Variants in CARS1 observed in about 807,000 individuals in gnomAD.
CARS1 encodes cysteinyl-tRNA synthetase 1.
A neutral mutation model predicts 106.2 loss-of-function variants in CARS1; 48 were observed. The ratio of observed to expected loss-of-function variants is 0.45; its 90% CI spans 0.36 to 0.57. CARS1 has a LOEUF of 0.57. Among genes scored for constraint, CARS1 ranks in the 20% least tolerant of loss-of-function variants. The pLI, the probability that CARS1 is intolerant of heterozygous loss-of-function variation, is 0.00. For synonymous variants in CARS1, 409 were observed against 403.4 expected, an observed-to-expected ratio of 1.01 and a Z score of -0.17; for missense variants, 968 against 1,057.2, an observed-to-expected ratio of 0.92 and a Z score of 1.17.
At position 3,040,946 on chromosome 11, in the gene CARS1, C is replaced by A. The variant is rs764655547; in HGVS notation, c.405G>T (p.Trp135Cys). The A allele has an allele frequency of 2.0e-5, 32 of 1,614,076 alleles. No homozygotes were observed. In the Admixed American group the frequency reaches 4.8e-4, roughly 24 times the overall value. ...CATAGACGGTTGGCCCACAGCAATA[C>A]CACGTCACCTTTTTCCCATCTTGAG... ...FIPQDGKKVT[W>C]YCCGPTVYDA... Residue 135 changes from tryptophan (W) to cysteine (C), a missense_variant, in exon 4 of 23, where the codon TGG becomes TGT. Physicochemically the swap from Trp to Cys is radical, Grantham distance 215. Coordinates refer to ENST00000380525, the MANE Select transcript of CARS1 (RefSeq NM_001014437.3). This position sits in a 1 kb window ranked among gnomAD's most constrained non-coding sequence, Gnocchi z 5.8.
chr11:3,053,217 A>T lies in CARS1; in HGVS notation c.25+4126T>A, dbSNP rs565735156. ...TCCTATCAGCATTTATTTTTTATTT[A>T]TTTTTATTTTATTTTATTTTATTTT... On this transcript the variant is annotated intron_variant, in intron 1 of 22. Coordinates refer to ENST00000380525, the MANE Select transcript of CARS1 (RefSeq NM_001014437.3). The surrounding 1 kb of genome is among the most constrained non-coding windows in gnomAD (Gnocchi z 6.6). 2.7e-3 allele frequency among the ~76,000 whole-genome samples: 415 copies of T among 152,028 alleles called. 5 individuals are homozygous for T. In the East Asian group the frequency reaches 0.036, roughly 13 times the overall value.
rs138105996 is a variant in CARS1 at position 3,024,435 on chromosome 11, AT to A, written c.1153+2240del. Among the ~76,000 whole-genome samples, 542 of 145,790 alleles carry A rather than the reference AT, an allele frequency of 3.7e-3. 1 individual carries two copies. The highest frequency in any genetic ancestry group is 5.7e-3 in the Non-Finnish European group (369 of 64,858). On this transcript the variant is annotated intron_variant, in intron 10 of 22. Transcript: ENST00000380525. ...TCCTGTCAGTGTTGGTATCTTTTTT[AT>A]TTTAAAAAAAAAATTTTTTTAATGT...
chr11:3,049,883 G>A (rs538262755), intron 1 of CARS1, among the ~76,000 whole-genome samples: 2 of 152,264 alleles, frequency 1.3e-5, no homozygotes, highest in African/African-American at 4.8e-5. Flanking sequence ...GTGTTGCGGG[G>A]GTAACTGCAC....
At chr11:3,049,956 G>A (rs999630490) in intron 1 of CARS1, among the ~76,000 whole-genome samples, 1 of 152,182 alleles carries the variant, frequency 6.6e-6, no homozygotes, top group Non-Finnish European at 1.5e-5. Flanking sequence ...CCAATAACTG[G>A]CACTTCCCGG....
chr11:3,007,633 T>G (rs1405110020), intron 18 of CARS1: 2 of 152,256 alleles, frequency 1.3e-5, no homozygotes, highest in Non-Finnish European at 2.9e-5. Context: ...TGCCTCTGAC[T>G]GGGGACCTGA....
In CARS1 at chr11:3,008,487, C is replaced by T. The variant is rs2003438; in HGVS notation, c.2069-1528G>A. Reference sequence around the variant, plus strand: ...TACAAAAACTATCTGGGTGTGGTGGCATGTGCCTGTAATCCCAGCTACTTG... The same window carrying T: ...TACAAAAACTATCTGGGTGTGGTGGTATGTGCCTGTAATCCCAGCTACTTG... On this transcript the variant is annotated intron_variant, in intron 18 of 22. Transcript: ENST00000380525. This position sits in a 1 kb window ranked among gnomAD's most constrained non-coding sequence, Gnocchi z 5.1. 64,389 of 151,320 alleles carry T rather than the reference C, an allele frequency of 0.43. 14,158 individuals are homozygous for T. The highest frequency in any genetic ancestry group is 0.52 in the African/African-American group (21,574 of 41,138). The allele number at this position is 151,320 out of a possible 1,614,324, so 9.4% of individuals were successfully genotyped here.
Position 3,026,850 on chromosome 11 carries a change from G to A in CARS1, c.1032-53C>T, listed in dbSNP as rs1388661020. 2.5e-6 allele frequency: 4 copies of A among 1,575,468 alleles called. No homozygotes were observed. The African/African-American group carries it at 5.4e-5, about 21-fold the overall frequency. On this transcript the variant is annotated intron_variant, in intron 9 of 22. Coordinates refer to ENST00000380525, the MANE Select transcript of CARS1 (RefSeq NM_001014437.3). ...GTGCATCTAACAGACCCGAAAGTGT[G>A]TCAGCAGGATGACAGTAACAAAATA... is the stretch of plus-strand genomic sequence containing the variant.
In CARS1 at chr11:3,030,197, G is replaced by A. The variant is rs1164126806; in HGVS notation, c.802-754C>T. The A allele has an allele frequency of 6.6e-6, 1 of 152,386 alleles. No individual in the cohort carries two copies. Among genetic ancestry groups the A allele is most frequent in the Non-Finnish European group, 1.5e-5 (1 of 68,232 alleles). 9.4% of individuals were successfully genotyped at this position (152,386 alleles called of 1,614,324 possible). On this transcript the variant is annotated intron_variant, in intron 7 of 22. Transcript: ENST00000380525. The surrounding 1 kb of genome is among the most constrained non-coding windows in gnomAD (Gnocchi z 5.7). The stretch of plus-strand genomic sequence containing the variant: ...GCCTACTATGGGAAGGGGAGGCAAA[G>A]AACCAAGGCTGGAGAGAAAAAGTGT...
rs1199667227 is a variant in CARS1, at chr11:3,041,830, C to T, written c.366+335G>A. On this transcript the variant is annotated intron_variant, in intron 3 of 22. Coordinates refer to ENST00000380525, the MANE Select transcript of CARS1 (RefSeq NM_001014437.3). This position sits in a 1 kb window ranked among gnomAD's most constrained non-coding sequence, Gnocchi z 4.9. ...TACAGTGCCACCTGCTGCAACCACG[C>T]GTCCTCCTGAAAGGCGTGGCTGTGG... 1.3e-5 allele frequency among the ~76,000 whole-genome samples: 2 copies of T among 152,184 alleles called. No homozygotes were observed. Among genetic ancestry groups the T allele is most frequent in the East Asian group, 1.9e-4 (1 of 5,192 alleles).
At position 3,028,144 on chromosome 11, in the gene CARS1, T is replaced by A. The variant is rs996323536; in HGVS notation, c.1031+852A>T. On this transcript the variant is annotated intron_variant, in intron 9 of 22. Transcript: ENST00000380525. This position sits in a 1 kb window ranked among gnomAD's most constrained non-coding sequence, Gnocchi z 4.4. ...GCGTAAGCTGCCTCTCTCTGTCTCC[T>A]CTCTCTCTCTGCCTTGGCTGCCAGG... is the stretch of plus-strand genomic sequence containing the variant. 3 of 240,522 alleles carry A rather than the reference T, an allele frequency of 1.2e-5. No individual in the cohort carries two copies. In the South Asian group the frequency reaches 1.3e-4, roughly 11 times the overall value. The allele number at this position is 240,522 out of a possible 1,614,324, so 14.9% of individuals were successfully genotyped here. A position where few individuals can be genotyped will look rare whatever the true frequency, so the allele number is the denominator to read the frequency against.
intron 2 of CARS1, among the ~76,000 whole-genome samples, chr11:3,047,400 G>C (rs891186224): frequency 2.6e-5 from 4 of 151,874 alleles, no homozygotes; most frequent in African/African-American, 9.7e-5. Flanking sequence ...GAGTCAACCA[G>C]AGCCAGGCAC....
At chr11:3,002,916 G>C (rs1277003945) in intron 20 of CARS1, among the ~76,000 whole-genome samples, 1 of 152,230 alleles carries the variant, frequency 6.6e-6, no homozygotes, top group Non-Finnish European at 1.5e-5. Flanking sequence ...AAATGGACCA[G>C]CATGGTGAGC....
rs1318275891 is a variant in CARS1, at chr11:3,022,894, T to C, written c.1154-2562A>G. 6.6e-6 allele frequency among the ~76,000 whole-genome samples: 1 copy of C among 152,186 alleles called. No homozygotes were observed. Among genetic ancestry groups the C allele is most frequent in the Non-Finnish European group, 1.5e-5 (1 of 68,018 alleles). ...GTCCCCATGGCGAGGAGCACATGAC[T>C]GCACAGAGCTAAGGCTACACTCCTT... On this transcript the variant is annotated intron_variant, in intron 10 of 22. Transcript: ENST00000380525. The surrounding 1 kb of genome is among the most constrained non-coding windows in gnomAD (Gnocchi z 4.9).
Position 3,006,734 on chromosome 11 carries a change from C to T in CARS1, c.2149+145G>A, listed in dbSNP as rs528851374. The stretch of plus-strand genomic sequence containing the variant: ...GCCAGGCTGGCCAGCGTGGGAATGG[C>T]GCCGGGGGACCCATGGGGCTGCCAC... On this transcript the variant is annotated intron_variant, in intron 19 of 22. Coordinates refer to ENST00000380525, the MANE Select transcript of CARS1 (RefSeq NM_001014437.3). The T allele has an allele frequency of 1.6e-3, 1,199 of 741,424 alleles. 5 individuals carry two copies. Among genetic ancestry groups the T allele is most frequent in the African/African-American group, 2.5e-3 (148 of 58,536 alleles). 45.9% of individuals were successfully genotyped at this position (741,424 alleles called of 1,614,324 possible).
intron 10 of CARS1, among the ~76,000 whole-genome samples, chr11:3,023,170 C>T (rs11824924): frequency 0.016 from 2,489 of 152,226 alleles, 77 homozygotes; most frequent in African/African-American, 0.057. Context: ...AGTGGTGAGT[C>T]AGTGTGCTCT....
intron 1 of CARS1, among the ~76,000 whole-genome samples, chr11:3,049,542 G>A (rs1199961440): frequency 1.3e-5 from 2 of 152,224 alleles, no homozygotes; most frequent in Non-Finnish European, 2.9e-5. Flanking sequence ...GAGCACAGGT[G>A]CATCCAAACC....
At chr11:3,012,303 T>C (rs2134118348) in intron 17 of CARS1, 27 bp from the exon 18 acceptor site, 1 of 1,594,074 alleles carries the variant, frequency 6.3e-7, no homozygotes. Context: ...TTTGGTTCAC[T>C]GAGAGCTGCT....
At position 3,017,826 on chromosome 11, in the gene CARS1, CA is replaced by C; in HGVS notation, c.1727+30del. ...GCTAGGCATAGAACATGGGCATGCTCAAAAACCCCAAAGAAATGGCACCACC... is the reference window on the plus strand; with the variant it reads ...GCTAGGCATAGAACATGGGCATGCTCAAAACCCCAAAGAAATGGCACCACC... On this transcript the variant is annotated intron_variant, in intron 15 of 22. Transcript: ENST00000380525. The surrounding 1 kb of genome is among the most constrained non-coding windows in gnomAD (Gnocchi z 4.9). 1 of 1,509,346 alleles carries C rather than the reference CA, an allele frequency of 6.6e-7. No homozygotes were observed. The highest frequency in any genetic ancestry group is 9.2e-7 in the Non-Finnish European group (1 of 1,085,246). 93.5% of individuals were successfully genotyped at this position (1,509,346 alleles called of 1,614,324 possible). A position where few individuals can be genotyped will look rare whatever the true frequency, so the allele number is the denominator to read the frequency against.
chr11:3,015,720 CAG>C, intron 17 of CARS1, 59 bp downstream of exon 17: 1 of 1,440,212 alleles, frequency 6.9e-7, no homozygotes, highest in African/African-American at 1.4e-5. Flanking sequence ...CAGAGGGACA[CAG>C]AGGGGTAGGG....
Sources: allele counts gnomAD v4.1 joint callset (sites outside exome capture counted in the v4.1 genomes callset), GRCh38; gene constraint gnomAD v4.1.1; non-coding constraint Gnocchi (gnomAD v3.1); transcripts MANE v1.5; gene names NCBI Gene and HGNC (gene_info 2026-07-23, HGNC 2026-07-21).